Variants in KIF15 observed in about 807,000 individuals in gnomAD.
KIF15 encodes kinesin-like protein KIF15.
In KIF15, 140 loss-of-function variants were observed where a neutral mutation model predicts 190.6. The observed-to-expected ratio is 0.73, with a 90% confidence interval of 0.64 to 0.84. The LOEUF (loss-of-function observed/expected upper bound fraction) is 0.84, where lower values mean the gene tolerates loss of function less well. KIF15 is among the 40% of genes least tolerant of loss of function. The pLI, the probability that KIF15 is intolerant of heterozygous loss-of-function variation, is 0.00. For synonymous variants in KIF15, 528 were observed against 551.3 expected (o/e 0.96, Z 0.59); for missense variants, 1,372 against 1,584.4 (o/e 0.87, Z 2.28).
chr3:44,790,185 T>A (rs1559536058), intron 7 of KIF15, among the ~76,000 whole-genome samples: 2 of 150,108 alleles, frequency 1.3e-5, no homozygotes, highest in Non-Finnish European at 3.0e-5. Flanking sequence ...TTTATGACAT[T>A]TTTTTTTTTT....
chr3:44,808,231 A>G (rs544518338), intron 16 of KIF15, among the ~76,000 whole-genome samples: 4 of 152,356 alleles, frequency 2.6e-5, no homozygotes, highest in East Asian at 3.9e-4. Flanking sequence ...CCTTAGCACA[A>G]TGGAATTATA....
In KIF15 at chr3:44,833,460, TG is replaced by T. The variant is rs1342776648; in HGVS notation, c.3171+2445del. Among the ~76,000 whole-genome samples, 49 of 150,850 alleles carry T rather than the reference TG, an allele frequency of 3.2e-4. No homozygotes were observed. The Middle Eastern group carries it at 0.01, about 31-fold the overall frequency. On this transcript the variant is annotated intron_variant, in intron 26 of 34. Coordinates refer to ENST00000326047, the MANE Select transcript of KIF15 (RefSeq NM_020242.3). ...ACTAGATGGTCCTATCCAGGGGTGA[TG>T]GGAAATAGTGACAAATCATCAGGCA...
intron 16 of KIF15, among the ~76,000 whole-genome samples, chr3:44,808,487 C>T (rs1239131790): frequency 6.6e-6 from 1 of 152,116 alleles, no homozygotes; most frequent in African/African-American, 2.4e-5. Flanking sequence ...TTTGTCCCCA[C>T]AATCCCTGGA....
chr3:44,793,128 T>G (rs978465986), intron 7 of KIF15, among the ~76,000 whole-genome samples: 1 of 152,160 alleles, frequency 6.6e-6, no homozygotes, highest in African/African-American at 2.4e-5. Flanking sequence ...AAAACTTATA[T>G]GTTCTGTTCT....
chr3:44,790,924 G>A (rs1009103039), intron 7 of KIF15, among the ~76,000 whole-genome samples: 10 of 151,984 alleles, frequency 6.6e-5, no homozygotes, highest in African/African-American at 2.2e-4. Context: ...CCCGTGATCT[G>A]CCTGCCTCGG....
At chr3:44,767,662 G>A (rs11715151) in intron 1 of KIF15, among the ~76,000 whole-genome samples, 21,745 of 149,450 alleles carry the variant, frequency 0.15, 2,176 homozygotes, top group Non-Finnish European at 0.21. Flanking sequence ...TTGGGAGGCC[G>A]AGGCGGGTGG....
At chr3:44,849,433 G>C (rs565335729) in intron 32 of KIF15, among the ~76,000 whole-genome samples, 1 of 152,054 alleles carries the variant, frequency 6.6e-6, no homozygotes, top group East Asian at 1.9e-4. Flanking sequence ...GATCAGTCTG[G>C]GCAACATGGT....
chr3:44,828,630 T>C (rs1487368087), intron 24 of KIF15, among the ~76,000 whole-genome samples: 1 of 152,234 alleles, frequency 6.6e-6, no homozygotes, highest in Non-Finnish European at 1.5e-5. Context: ...AAATTCCTGG[T>C]GTTGACTTTA....
In KIF15 at chr3:44,814,764, T is replaced by C. The variant is rs552134240; in HGVS notation, c.2384-147T>C. 10 of 503,152 alleles carry C rather than the reference T, an allele frequency of 2.0e-5. No homozygotes were observed. In the East Asian group the frequency reaches 2.7e-4, roughly 14 times the overall value. The allele number at this position is 503,152 out of a possible 1,614,324, so 31.2% of individuals were successfully genotyped here. ...AGGAAGAAAATAGAAATCTCAGTGC[T>C]GCTAGGTACCCGCCACTTAATTCTT... On this transcript the variant is annotated intron_variant, in intron 19 of 34. Coordinates refer to ENST00000326047, the MANE Select transcript of KIF15 (RefSeq NM_020242.3).
chr3:44,851,416 T>G (rs984441695), intron 32 of KIF15, among the ~76,000 whole-genome samples: 16 of 152,244 alleles, frequency 1.1e-4, no homozygotes, highest in African/African-American at 3.6e-4. Flanking sequence ...TCCCACTGTC[T>G]GAGGACCAGT....
intron 16 of KIF15, among the ~76,000 whole-genome samples, chr3:44,807,881 T>C (rs1418623942): frequency 6.6e-6 from 1 of 152,172 alleles, no homozygotes; most frequent in African/African-American, 2.4e-5. Context: ...TTTTTTCCTA[T>C]ACAGGTAGAA....
intron 1 of KIF15, among the ~76,000 whole-genome samples, chr3:44,765,308 T>C (rs749210653): frequency 3.3e-5 from 5 of 152,262 alleles, no homozygotes; most frequent in Admixed American, 6.5e-5. Context: ...TACAGAGATC[T>C]CTGCAGAAAT....
chr3:44,842,420 G>A (rs1698654707), intron 29 of KIF15, among the ~76,000 whole-genome samples: 1 of 152,108 alleles, frequency 6.6e-6, no homozygotes, highest in Admixed American at 6.6e-5. Context: ...TATCCTGTGA[G>A]GTCATTGCTC....
intron 10 of KIF15, chr3:44,799,199 T>A: frequency 2.2e-6 from 1 of 455,282 alleles, no homozygotes; most frequent in Non-Finnish European, 4.4e-6. Flanking sequence ...TACCTTGTAA[T>A]GAGGCTGGCC....
chr3:44,813,002 C>T (rs1707863970), intron 18 of KIF15, 73 bp from the exon 19 acceptor site: 2 of 859,818 alleles, frequency 2.3e-6, no homozygotes, highest in African/African-American at 1.8e-5. Context: ...AAAAAAGAAA[C>T]AGGTTAATGA....
chr3:44,788,601 C>G (rs940100798), intron 7 of KIF15, among the ~76,000 whole-genome samples: 1 of 151,930 alleles, frequency 6.6e-6, no homozygotes, highest in Non-Finnish European at 1.5e-5. Flanking sequence ...ACTGCAAGTG[C>G]ACAGCATTAT....
At chr3:44,811,487 T>C (rs1707779960) in intron 17 of KIF15, among the ~76,000 whole-genome samples, 1 of 151,742 alleles carries the variant, frequency 6.6e-6, no homozygotes, top group Non-Finnish European at 1.5e-5. Context: ...CTCTACTAAA[T>C]AGACAAAATT....
intron 31 of KIF15, among the ~76,000 whole-genome samples, chr3:44,848,262 A>C (rs1343387825): frequency 1.3e-5 from 2 of 152,390 alleles, no homozygotes; most frequent in South Asian, 4.1e-4. Flanking sequence ...TGGCAAGCCT[A>C]CTGCTCAGCA....
intron 32 of KIF15, among the ~76,000 whole-genome samples, chr3:44,848,934 C>G (rs1427117820): frequency 1.3e-5 from 2 of 152,184 alleles, no homozygotes; most frequent in Non-Finnish European, 2.9e-5. Context: ...TTCTTCTGGT[C>G]TAGCCCTTGG....
Sources: gnomAD v4.1 joint callset for allele counts (sites outside exome capture counted in the v4.1 genomes callset) on GRCh38, gnomAD v4.1.1 for gene constraint, MANE v1.5 for transcripts, NCBI Gene and HGNC (gene_info 2026-07-23, HGNC 2026-07-21) for gene names.